The following PALM2AKAP2 variants were observed in gnomAD, a reference collection of about 807,000 sequenced individuals.
PALM2AKAP2 encodes the protein PALM2-AKAP2 fusion protein.
A neutral mutation model predicts 71.5 loss-of-function variants in PALM2AKAP2; 37 were observed. That is an observed-to-expected ratio of 0.52 (90% CI 0.40 to 0.68). The LOEUF is 0.68. Among genes scored for constraint, PALM2AKAP2 ranks in the 30% least tolerant of loss-of-function variants. The probability of loss-of-function intolerance (pLI) is 0.00; values close to 1 mark genes in which losing one functional copy is unlikely to be tolerated. For synonymous variants in PALM2AKAP2, 468 were observed against 478.8 expected (o/e 0.98, Z 0.29); for missense variants, 1,224 against 1,191.8 (o/e 1.03, Z -0.40).
intron 3 of PALM2AKAP2, 21 bp downstream of exon 3, chr9:109,880,702 G>A: frequency 1.2e-6 from 2 of 1,612,206 alleles, no homozygotes; most frequent in Non-Finnish European, 1.7e-6. Context: ...TCCAGCCCAG[G>A]GAACCCATGC....
chr9:109,789,962 C>G (rs547326966), intron 1 of PALM2AKAP2, among the ~76,000 whole-genome samples: 3 of 152,160 alleles, frequency 2.0e-5, no homozygotes, highest in African/African-American at 7.2e-5. Flanking sequence ...AATGCTTGAA[C>G]ATATATTAAA....
At chr9:109,888,902 A>G (rs140259215) in intron 3 of PALM2AKAP2, among the ~76,000 whole-genome samples, 3,805 of 152,174 alleles carry the variant, frequency 0.025, 66 homozygotes, top group Non-Finnish European at 0.039. Flanking sequence ...TTCCAGGGGC[A>G]CCATTGCCCT....
intron 1 of PALM2AKAP2, among the ~76,000 whole-genome samples, chr9:109,814,091 C>A (rs143231644): frequency 1.3e-5 from 2 of 152,340 alleles, no homozygotes; most frequent in African/African-American, 4.8e-5. Context: ...CATTCTCCAG[C>A]TCCCACTACC....
intron 1 of PALM2AKAP2, among the ~76,000 whole-genome samples, chr9:110,060,336 C>T (rs149495653): frequency 1.1e-3 from 170 of 152,050 alleles, no homozygotes; most frequent in African/African-American, 4.1e-3. Flanking sequence ...CTCCTGACCT[C>T]AAGTGATCTG....
chr9:109,738,706 T>G (rs1048510631), intron 1 of PALM2AKAP2, among the ~76,000 whole-genome samples: 4 of 152,144 alleles, frequency 2.6e-5, no homozygotes, highest in Non-Finnish European at 1.5e-5. Flanking sequence ...TTCCAAAGAG[T>G]TGAGAATCCT....
At chr9:109,709,080 C>T (rs1828186388) in intron 1 of PALM2AKAP2, among the ~76,000 whole-genome samples, 1 of 152,190 alleles carries the variant, frequency 6.6e-6, no homozygotes, top group African/African-American at 2.4e-5. Flanking sequence ...TGGCCTGACT[C>T]CTACCTTGCA....
At chr9:110,121,600 C>T (rs1029878761) in intron 1 of PALM2AKAP2, among the ~76,000 whole-genome samples, 2 of 152,200 alleles carry the variant, frequency 1.3e-5, no homozygotes, top group Admixed American at 1.3e-4. Context: ...ACCCTGAGGA[C>T]CTCATTCCTT....
intron 1 of PALM2AKAP2, among the ~76,000 whole-genome samples, chr9:109,712,561 G>A (rs964040667): frequency 6.6e-6 from 1 of 152,180 alleles, no homozygotes; most frequent in Non-Finnish European, 1.5e-5. Flanking sequence ...CCCTAATAAA[G>A]GCTGCAGAAG....
chr9:109,740,069 G>T (rs1160086239), intron 1 of PALM2AKAP2, among the ~76,000 whole-genome samples: 2 of 152,192 alleles, frequency 1.3e-5, no homozygotes, highest in Non-Finnish European at 2.9e-5. Context: ...CCAGCAATTT[G>T]AGGGAGAAGT....
At chr9:109,649,640 ACT>A (rs1395299361) in intron 1 of PALM2AKAP2, among the ~76,000 whole-genome samples, 2 of 152,192 alleles carry the variant, frequency 1.3e-5, no homozygotes, top group Non-Finnish European at 2.9e-5. Context: ...AAAAATAATA[ACT>A]CTGCATATAG....
chr9:110,067,514 T>TG (rs34232620), intron 1 of PALM2AKAP2, among the ~76,000 whole-genome samples: 2 of 152,168 alleles, frequency 1.3e-5, no homozygotes, highest in Non-Finnish European at 2.9e-5. Context: ...GAAGAAAACA[T>TG]GTGAGTCTCC....
At chr9:109,879,038 A>G (rs1487116460) in intron 2 of PALM2AKAP2, among the ~76,000 whole-genome samples, 1 of 152,114 alleles carries the variant, frequency 6.6e-6, no homozygotes, top group East Asian at 1.9e-4. Context: ...TGCCCAGCCC[A>G]GTGTTGGTTA....
At chr9:110,114,949 C>T (rs1835331767) in intron 1 of PALM2AKAP2, among the ~76,000 whole-genome samples, 2 of 152,168 alleles carry the variant, frequency 1.3e-5, no homozygotes, top group South Asian at 4.1e-4. Flanking sequence ...AGAAGGAGCA[C>T]ATTTCTTTGC....
chr9:109,686,415 G>T (rs527632158), intron 1 of PALM2AKAP2, among the ~76,000 whole-genome samples: 1 of 152,324 alleles, frequency 6.6e-6, no homozygotes, highest in African/African-American at 2.4e-5. Flanking sequence ...TGCACATTGT[G>T]TTAGCAGGCA....
chr9:110,021,368 A>C (rs1374332243), intron 7 of PALM2AKAP2, among the ~76,000 whole-genome samples: 1 of 152,160 alleles, frequency 6.6e-6, no homozygotes, highest in Non-Finnish European at 1.5e-5. Context: ...GACACCTTGA[A>C]TTGGAACTTT....
chr9:110,038,963 A>G (rs989272641), intron 7 of PALM2AKAP2, among the ~76,000 whole-genome samples: 3 of 145,184 alleles, frequency 2.1e-5, no homozygotes, highest in Non-Finnish European at 3.0e-5. Context: ...TTATTGTCCT[A>G]GAAAACACTA....
chr9:109,775,715 G>A (rs1312553130), upstream of PALM2AKAP2, among the ~76,000 whole-genome samples: 1 of 152,186 alleles, frequency 6.6e-6, no homozygotes, highest in Non-Finnish European at 1.5e-5. Context: ...CATAGCTCTT[G>A]CTCAACAAGA....
intron 1 of PALM2AKAP2, among the ~76,000 whole-genome samples, chr9:109,670,881 C>T (rs756750495): frequency 1.3e-5 from 2 of 152,094 alleles, no homozygotes; most frequent in Non-Finnish European, 2.9e-5. Flanking sequence ...TGATGTTGAG[C>T]CTTTTTCATA....
intron 3 of PALM2AKAP2, among the ~76,000 whole-genome samples, chr9:110,160,835 GCT>G (rs756843073): frequency 6.6e-6 from 1 of 152,022 alleles, no homozygotes; most frequent in East Asian, 1.9e-4. Context: ...TTTCCAGTGT[GCT>G]CTCTCTCTCT....
Sources: allele counts gnomAD v4.1 joint callset (sites outside exome capture counted in the v4.1 genomes callset), GRCh38; gene constraint gnomAD v4.1.1; transcripts MANE v1.5; gene names NCBI Gene and HGNC (gene_info 2026-07-23, HGNC 2026-07-21).